The following THOC2 variants were observed in gnomAD, a reference collection of about 807,000 sequenced individuals.
The protein encoded by THOC2 is THO complex 2.
Under a neutral mutation model 128.4 loss-of-function variants are expected in THOC2, and 10 were observed. The ratio of observed to expected loss-of-function variants is 0.08; its 90% CI spans 0.05 to 0.13. THOC2 has a LOEUF of 0.13. Among genes scored for constraint, THOC2 ranks in the 10% least tolerant of loss-of-function variants. The pLI, the probability that THOC2 is intolerant of heterozygous loss-of-function variation, is 1.00. For missense variants in THOC2, 535 were observed against 1,155.7 expected (o/e 0.46, Z 7.79); for synonymous variants, 393 against 396.9 (o/e 0.99, Z 0.12).
At position 123,731,127 on chromosome X, in the gene THOC2, T is replaced by C. The variant is rs1002989863; in HGVS notation, c.71+1825A>G. ...CGATGAAGATGATGGTCTGGCTGGG[T>C]AACTTCCCATCTTGCCTTCCCCAAA... On this transcript the variant is annotated intron_variant, in intron 1 of 38. Coordinates refer to ENST00000245838, the MANE Select transcript of THOC2 (RefSeq NM_001081550.2). Among the ~76,000 whole-genome samples the C allele has an allele frequency of 3.6e-5, 4 of 112,235 alleles. No individual in the cohort carries two copies. The East Asian group carries it at 1.1e-3, about 31-fold the overall frequency.
chrX:123,647,825 AACAAG>A (rs1006420797), intron 12 of THOC2, among the ~76,000 whole-genome samples: 2 of 95,234 alleles, frequency 2.1e-5, no homozygotes, highest in Non-Finnish European at 4.2e-5. Context: ...TAAGCAACAC[AACAAG>A]ACTCTGTCTC....
intron 20 of THOC2, among the ~76,000 whole-genome samples, chrX:123,633,290 T>G (rs767562081): frequency 8.9e-6 from 1 of 112,306 alleles, no homozygotes; most frequent in Non-Finnish European, 1.9e-5. Context: ...CATAAAGGAT[T>G]ATTCATTATT....
intron 17 of THOC2, among the ~76,000 whole-genome samples, 153 bp downstream of exon 17, chrX:123,638,769 TACACACACACAC>T (rs745502483): frequency 1.6e-4 from 15 of 93,581 alleles, no homozygotes; most frequent in South Asian, 5.1e-4. Context: ...CTCTCTCACA[TACACACACACAC>T]ACACACACAC....
chrX:123,700,277 G>A (rs990278964), intron 4 of THOC2, among the ~76,000 whole-genome samples: 2 of 109,030 alleles, frequency 1.8e-5, no homozygotes, highest in South Asian at 8.1e-4. Flanking sequence ...AAGGCAGGCG[G>A]ATCACCTGAG....
intron 38 of THOC2, among the ~76,000 whole-genome samples, chrX:123,605,581 T>C (rs150958952): frequency 0.015 from 1,713 of 110,815 alleles, 31 homozygotes; most frequent in African/African-American, 0.053. Context: ...TCAGTATAGG[T>C]TCCCTTCCTA....
intron 20 of THOC2, among the ~76,000 whole-genome samples, chrX:123,633,362 T>C (rs759638716): frequency 8.9e-6 from 1 of 112,019 alleles, no homozygotes; most frequent in East Asian, 2.8e-4. Context: ...TCAAGGATCA[T>C]AGAAGATATA....
intron 15 of THOC2, 132 bp from the exon 16 acceptor site, chrX:123,640,754 C>T (rs1247485709): frequency 2.7e-6 from 1 of 367,682 alleles, no homozygotes; most frequent in Non-Finnish European, 4.8e-6. Flanking sequence ...ATGTAAACAA[C>T]TACATTCATC....
At chrX:123,611,096 T>C in intron 37 of THOC2, 133 bp from the exon 38 acceptor site, 1 of 542,110 alleles carries the variant, frequency 1.8e-6, no homozygotes, top group Non-Finnish European at 3.0e-6. Flanking sequence ...CTCTACCAGC[T>C]CTGCTTGTCT....
chrX:123,731,806 C>T (rs1297287269), intron 1 of THOC2, among the ~76,000 whole-genome samples: 1 of 111,278 alleles, frequency 9.0e-6, no homozygotes, highest in African/African-American at 3.3e-5. Context: ...GATCCGGCAA[C>T]GCGTTCCTCG....
chrX:123,705,452 T>C (rs2050888453), intron 3 of THOC2, among the ~76,000 whole-genome samples: 1 of 111,444 alleles, frequency 9.0e-6, no homozygotes, highest in African/African-American at 3.3e-5. Flanking sequence ...CTCAGGCCAC[T>C]TGAAGATCAA....
intron 12 of THOC2, among the ~76,000 whole-genome samples, chrX:123,659,089 T>C (rs922804918): frequency 6.2e-5 from 7 of 112,313 alleles, no homozygotes; most frequent in African/African-American, 2.3e-4. Context: ...ATGTGTCCTT[T>C]TACATGAAAC....
intron 8 of THOC2, among the ~76,000 whole-genome samples, chrX:123,684,953 C>T (rs1007762922): frequency 1.8e-5 from 2 of 112,307 alleles, no homozygotes; most frequent in Non-Finnish European, 3.8e-5. Context: ...CCAGAGTAAC[C>T]TCAGTGCCTA....
chrX:123,665,892 A>G (rs2049030073), intron 11 of THOC2, 55 bp from the exon 12 acceptor site: 2 of 652,829 alleles, frequency 3.1e-6, no homozygotes, highest in African/African-American at 4.5e-5. Context: ...TATAATAAAT[A>G]TAACTATATA....
rs771198964 is a variant in THOC2, at chrX:123,651,727, C to T, written c.1387-6352G>A. ...TGGATAAATTCCTGGACACATACGCCCCCCCCCCAAGACTAAACCAGGAAG... is the reference window on the plus strand; with the variant it reads ...TGGATAAATTCCTGGACACATACGCTCCCCCCCCAAGACTAAACCAGGAAG... On this transcript the variant is annotated intron_variant, in intron 12 of 38. Coordinates refer to ENST00000245838, the MANE Select transcript of THOC2 (RefSeq NM_001081550.2). Among the ~76,000 whole-genome samples the T allele has an allele frequency of 1.9e-4, 20 of 103,246 alleles. No individual in the cohort carries two copies. In the East Asian group the frequency reaches 4.6e-3, roughly 24 times the overall value. The allele number at this position is 103,246 out of a possible 115,157, so 89.7% of individuals were successfully genotyped here. A position where few individuals can be genotyped will look rare whatever the true frequency, so the allele number is the denominator to read the frequency against.
intron 1 of THOC2, among the ~76,000 whole-genome samples, chrX:123,721,165 GTTTT>G (rs1264772971): frequency 2.8e-5 from 3 of 108,903 alleles, no homozygotes; most frequent in Non-Finnish European, 3.8e-5. Flanking sequence ...GTTGTTGCTG[GTTTT>G]TTTTGTTTGT....
chrX:123,710,843 C>T (rs371920713), intron 2 of THOC2, among the ~76,000 whole-genome samples: 1 of 105,653 alleles, frequency 9.5e-6, no homozygotes, highest in African/African-American at 3.4e-5. Context: ...TACAAAAGTT[C>T]GCCGGGCGTG....
Position 123,614,048 on chromosome X carries a change from A to G in THOC2, c.4449+4T>C. On this transcript the variant is annotated splice_donor_region_variant and intron_variant, in intron 34 of 38. Transcript: ENST00000245838. ...CAAACTAGTTTAAAAAAAATTTTAC[A>G]AACCCTTTTCCGCTCTTTCCTGTCC... 1 of 1,198,755 alleles carries G rather than the reference A, an allele frequency of 8.3e-7. No individual in the cohort carries two copies. Among genetic ancestry groups the G allele is most frequent in the Non-Finnish European group, 1.1e-6 (1 of 892,145 alleles).
At chrX:123,611,319 A>AT in intron 37 of THOC2, 121 bp downstream of exon 37, 1 of 520,846 alleles carries the variant, frequency 1.9e-6, no homozygotes, top group Non-Finnish European at 3.0e-6. Flanking sequence ...TGGAAAGACC[A>AT]TTTCAAAACT....
chrX:123,730,290 C>T (rs1355763067), intron 1 of THOC2, among the ~76,000 whole-genome samples: 2 of 111,051 alleles, frequency 1.8e-5, no homozygotes, highest in Non-Finnish European at 3.8e-5. Flanking sequence ...GCGATTCTCC[C>T]GCCTCAGCCT....
Sources: gnomAD v4.1 joint callset for allele counts (sites outside exome capture counted in the v4.1 genomes callset) on GRCh38, gnomAD v4.1.1 for gene constraint, MANE v1.5 for transcripts, NCBI Gene and HGNC (gene_info 2026-07-23, HGNC 2026-07-21) for gene names.